ENTREP1: variants seen among roughly 807,000 people sequenced by gnomAD.
ENTREP1 encodes Friedreich ataxia region gene X123.
At chr9:69,368,587 A>G in the ENTREP1 span, among the ~76,000 whole-genome samples, 2 of 152,106 alleles carry the variant, frequency 1.3e-5, no homozygotes, top group African/African-American at 4.8e-5. Flanking sequence ...GTCTATGTTC[A>G]TCAGGGAGAT....
At chr9:69,325,207 C>T in the ENTREP1 span, 2 of 1,030,738 alleles carry the variant, frequency 1.9e-6, no homozygotes, top group Non-Finnish European at 2.3e-6. Context: ...GCCTCGGAGC[C>T]CGTCTGCAGT....
chr9:69,354,387 A>T, the ENTREP1 span, among the ~76,000 whole-genome samples: 2 of 150,382 alleles, frequency 1.3e-5, no homozygotes, highest in African/African-American at 4.9e-5. Flanking sequence ...CTGCCTGAGT[A>T]GCTGGGATTA....
At chr9:69,325,571 G>T in the ENTREP1 span, 1 of 1,220,474 alleles carries the variant, frequency 8.2e-7, no homozygotes, top group South Asian at 4.1e-5. Context: ...CGCGGCCCCG[G>T]GCTCCGCGCT....
the ENTREP1 span, chr9:69,329,777 T>TTAACTAGATTCCACTGGGGTATGGGA: frequency 5.5e-6 from 2 of 361,316 alleles, no homozygotes; most frequent in Non-Finnish European, 7.6e-6. Context: ...GTGCGTTTAG[T>TTAACTAGATTCCACTGGGGTATGGGA]GTTAACTAGA....
chr9:69,383,029 GA>G, the ENTREP1 span: 1 of 984,452 alleles, frequency 1.0e-6, no homozygotes, highest in Non-Finnish European at 1.2e-6. Flanking sequence ...CAACGTTGGT[GA>G]AAAATCTTGT....
chr9:69,379,818 G>A, the ENTREP1 span: 1 of 152,238 alleles, frequency 6.6e-6, no homozygotes, highest in Non-Finnish European at 1.5e-5. Flanking sequence ...GACTCATGTG[G>A]GTTTAGGAGC....
chr9:69,383,556 A>G, the ENTREP1 span: 1 of 1,592,030 alleles, frequency 6.3e-7, no homozygotes, highest in Non-Finnish European at 8.6e-7. Flanking sequence ...GAGCAAAGCC[A>G]GTATCCGGGC....
chr9:69,369,372 G>T, the ENTREP1 span, among the ~76,000 whole-genome samples: 11 of 152,100 alleles, frequency 7.2e-5, no homozygotes, highest in East Asian at 1.5e-3. Flanking sequence ...TGGGTCAAAT[G>T]GAATTTCTGG....
At chr9:69,383,926 C>G in the ENTREP1 span, 2 of 1,607,026 alleles carry the variant, frequency 1.2e-6, no homozygotes, top group South Asian at 2.2e-5. Context: ...CAAAATAACC[C>G]TGTTTTTTGC....
At chr9:69,332,072 C>T in the ENTREP1 span, among the ~76,000 whole-genome samples, 1 of 152,150 alleles carries the variant, frequency 6.6e-6, no homozygotes, top group Non-Finnish European at 1.5e-5. Context: ...AAGTCTTGAG[C>T]TCTTAAAAAA....
chr9:69,351,763 A>G, the ENTREP1 span, among the ~76,000 whole-genome samples: 2 of 152,156 alleles, frequency 1.3e-5, no homozygotes, highest in Admixed American at 6.5e-5. Context: ...TTCCTTGTAG[A>G]ACATCTACAA....
At chr9:69,364,139 A>G in the ENTREP1 span, among the ~76,000 whole-genome samples, 1 of 152,246 alleles carries the variant, frequency 6.6e-6, no homozygotes, top group Non-Finnish European at 1.5e-5. Flanking sequence ...GGAAATACCC[A>G]GTAATAATAA....
the ENTREP1 span, among the ~76,000 whole-genome samples, chr9:69,342,685 A>G: frequency 6.6e-6 from 1 of 152,244 alleles, no homozygotes; most frequent in Non-Finnish European, 1.5e-5. Flanking sequence ...GTGTAAACAC[A>G]TTATGAATTA....
chr9:69,327,659 G>A, the ENTREP1 span, among the ~76,000 whole-genome samples: 6 of 142,446 alleles, frequency 4.2e-5, no homozygotes, highest in Non-Finnish European at 9.3e-5. Context: ...TCCACCAGAA[G>A]GTGAAGGTTA....
At chr9:69,331,576 G>A in the ENTREP1 span, among the ~76,000 whole-genome samples, 2 of 152,192 alleles carry the variant, frequency 1.3e-5, no homozygotes, top group African/African-American at 4.8e-5. Context: ...GTTCTTACCT[G>A]TTCATTCAGG....
chr9:69,339,053 T>C, the ENTREP1 span, among the ~76,000 whole-genome samples: 1 of 152,154 alleles, frequency 6.6e-6, no homozygotes, highest in African/African-American at 2.4e-5. Flanking sequence ...AGGGTCTTTC[T>C]CTGTTGCCCA....
chr9:69,348,068 T>G, the ENTREP1 span, among the ~76,000 whole-genome samples: 1 of 152,158 alleles, frequency 6.6e-6, no homozygotes, highest in Non-Finnish European at 1.5e-5. Flanking sequence ...TTCTTTCTTT[T>G]TGTTGACAAA....
At chr9:69,351,376 T>C in the ENTREP1 span, among the ~76,000 whole-genome samples, 2 of 147,740 alleles carry the variant, frequency 1.4e-5, no homozygotes, top group African/African-American at 5.1e-5. Context: ...ACTGAGAAAT[T>C]TTCTTATTTC....
chr9:69,336,981 A>G, the ENTREP1 span, among the ~76,000 whole-genome samples: 514 of 139,822 alleles, frequency 3.7e-3, no homozygotes, highest in African/African-American at 0.013. Flanking sequence ...TACAGGCGTC[A>G]GCCACCAAGC....
Sources: allele counts gnomAD v4.1 joint callset (sites outside exome capture counted in the v4.1 genomes callset), GRCh38; gene constraint gnomAD v4.1.1; transcripts MANE v1.5; gene names NCBI Gene and HGNC (gene_info 2026-07-23, HGNC 2026-07-21).